Variants in GALNT2 observed in about 807,000 individuals in gnomAD.
The protein encoded by GALNT2 is polypeptide N-acetylgalactosaminyltransferase 2, also known as UDP-GalNAc:polypeptide N-acetylgalactosaminyltransferase 2.
Under a neutral mutation model 81.4 loss-of-function variants are expected in GALNT2, and 31 were observed. That is an observed-to-expected ratio of 0.38 (90% CI 0.29 to 0.51). The LOEUF (loss-of-function observed/expected upper bound fraction) is 0.51, where lower values mean the gene tolerates loss of function less well. Among genes scored for constraint, GALNT2 ranks in the 20% least tolerant of loss-of-function variants. GALNT2 has a pLI of 0.87. For missense variants in GALNT2, 629 were observed against 765.7 expected (o/e 0.82, Z 2.11); for synonymous variants, 303 against 287.4 (o/e 1.05, Z -0.55).
chr1:230,193,919 C>T lies in GALNT2; in HGVS notation c.221-9218C>T, dbSNP rs1393420176. Among the ~76,000 whole-genome samples, 1 of 152,118 alleles carries T rather than the reference C, an allele frequency of 6.6e-6. No individual in the cohort carries two copies. The highest frequency in any genetic ancestry group is 1.5e-5 in the Non-Finnish European group (1 of 68,010). ...GAGCAGCCTTCCCGGGGCCTCAGTG[C>T]CTATGCTCAGCCTCCACTCCCAGGC... On this transcript the variant is annotated intron_variant, in intron 2 of 15. Transcript: ENST00000366672. The surrounding 1 kb of genome is among the most constrained non-coding windows in gnomAD (Gnocchi z 4.3).
intron 1 of GALNT2, among the ~76,000 whole-genome samples, chr1:230,119,886 C>T (rs1466390383): frequency 1.3e-5 from 2 of 152,172 alleles, no homozygotes; most frequent in Non-Finnish European, 2.9e-5. Flanking sequence ...GGCCCTACAT[C>T]CCATTGGCGT....
At chr1:230,080,514 AT>A (rs1659694781) in intron 1 of GALNT2, among the ~76,000 whole-genome samples, 1 of 152,024 alleles carries the variant, frequency 6.6e-6, no homozygotes, top group African/African-American at 2.4e-5. Flanking sequence ...GACTCTGTAA[AT>A]CCATACTGGG....
chr1:230,136,011 C>T (rs1321760282), intron 1 of GALNT2, among the ~76,000 whole-genome samples: 3 of 152,036 alleles, frequency 2.0e-5, no homozygotes, highest in Non-Finnish European at 4.4e-5. Context: ...TCTTTCTGAT[C>T]CTTAGTTTTC....
In GALNT2 at chr1:230,246,663, C is replaced by A. The variant is rs149867832; in HGVS notation, c.817+513C>A. Among the ~76,000 whole-genome samples, 19 of 152,270 alleles carry A rather than the reference C, an allele frequency of 1.2e-4. No individual in the cohort carries two copies. In the East Asian group the frequency reaches 2.7e-3, roughly 22 times the overall value. On this transcript the variant is annotated intron_variant, in intron 8 of 15. Transcript: ENST00000366672. ...GTGTGACCCTGTTCTGCTGATACAG[C>A]CCCTTGCATGTATCATGGTTTCTTG...
chr1:230,200,620 A>G (rs973068016), intron 2 of GALNT2, among the ~76,000 whole-genome samples: 4 of 152,200 alleles, frequency 2.6e-5, no homozygotes, highest in African/African-American at 9.6e-5. Flanking sequence ...AAAGAGATGT[A>G]TGGGTGGAAA....
upstream of GALNT2, chr1:230,057,890 G>C (rs1455638615): frequency 8.2e-6 from 3 of 364,552 alleles, no homozygotes; most frequent in Non-Finnish European, 1.7e-5. Context: ...GTAGGAAATG[G>C]GAAGGGGCAT....
chr1:230,072,357 TG>T (rs950070869), intron 1 of GALNT2, among the ~76,000 whole-genome samples: 14 of 8,792 alleles, frequency 1.6e-3, no homozygotes, highest in African/African-American at 8.1e-3. Flanking sequence ...GCAGGTGTGG[TG>T]GGGCGGGGGT....
Position 230,236,107 on chromosome 1 carries a change from G to T in GALNT2, c.468G>T (p.Val156=), listed in dbSNP as rs1572119296. The stretch of plus-strand genomic sequence containing the variant: ...CCAGGTCGGCCCTACTCAGGACCGT[G>T]GTCAGGTGAGGCCAGGAGATGCATT... The part of the protein sequence containing the change: ...NEARSALLRT[V]VSVLKKSPPH... The change falls in exon 4 of 16, where the codon GTG becomes GTT. Residue 156 remains valine, a synonymous_variant. Transcript: ENST00000366672. 1.9e-6 allele frequency: 3 copies of T among 1,613,836 alleles called. No individual in the cohort carries two copies. In the East Asian group the frequency reaches 6.7e-5, roughly 36 times the overall value.
intron 1 of GALNT2, among the ~76,000 whole-genome samples, chr1:230,087,348 C>G (rs557653668): frequency 6.6e-6 from 1 of 152,188 alleles, no homozygotes. Flanking sequence ...TGATTGCACT[C>G]GAATTACTGC....
intron 1 of GALNT2, among the ~76,000 whole-genome samples, chr1:230,107,218 C>T (rs983245511): frequency 1.3e-5 from 2 of 152,208 alleles, no homozygotes; most frequent in African/African-American, 4.8e-5. Context: ...ATGGTGACTT[C>T]CTCCTTGCAG....
intron 1 of GALNT2, among the ~76,000 whole-genome samples, chr1:230,118,674 C>T (rs1048871283): frequency 1.3e-5 from 2 of 151,986 alleles, no homozygotes; most frequent in African/African-American, 4.8e-5. Flanking sequence ...CTTTGCCCTA[C>T]GGGGACTGGC....
chr1:230,128,122 C>T, intron 1 of GALNT2, among the ~76,000 whole-genome samples: 1 of 152,208 alleles, frequency 6.6e-6, no homozygotes, highest in Non-Finnish European at 1.5e-5. Context: ...ACCCATGAGG[C>T]CAGGGATGGT....
intron 1 of GALNT2, among the ~76,000 whole-genome samples, chr1:230,096,660 G>A (rs1386224661): frequency 6.6e-6 from 1 of 152,152 alleles, no homozygotes; most frequent in East Asian, 1.9e-4. Context: ...TTGGCAGCCT[G>A]GGGGCAGCAG....
At chr1:230,160,106 A>G (rs1427403753) in intron 1 of GALNT2, among the ~76,000 whole-genome samples, 1 of 152,156 alleles carries the variant, frequency 6.6e-6, no homozygotes, top group Non-Finnish European at 1.5e-5. Context: ...CCATCATCTC[A>G]TAGTCCTTCC....
chr1:230,279,370 G>T lies in GALNT2; in HGVS notation c.1628G>T (p.Arg543Leu). 1 of 1,614,150 alleles carries T rather than the reference G, an allele frequency of 6.2e-7. No individual in the cohort carries two copies. Among genetic ancestry groups the T allele is most frequent in the Non-Finnish European group, 8.5e-7 (1 of 1,180,028 alleles). ...HVGSNLCLDS[R>L]TAKSGGLSVE... ...GGCAGCAACCTGTGCCTGGACAGTC[G>T]CACGGCCAAGAGCGGGGGCCTAAGC... The change falls in exon 16 of 16, where the codon CGC (arginine) becomes CTC (leucine). Residue 543 changes from arginine to leucine, a missense_variant. Around this residue, in one of 3 missense-constraint regions of GALNT2, gnomAD observed 207 missense variants for 225.5 expected, o/e 0.92. Coordinates refer to ENST00000366672, the MANE Select transcript of GALNT2 (RefSeq NM_004481.5). The surrounding 1 kb of genome is among the most constrained non-coding windows in gnomAD (Gnocchi z 4.6).
intron 1 of GALNT2, among the ~76,000 whole-genome samples, chr1:230,069,231 G>T (rs1227236613): frequency 1.3e-5 from 2 of 151,604 alleles, no homozygotes; most frequent in African/African-American, 4.9e-5. Context: ...GAAGTCTTCA[G>T]ACACTCCTGA....
At chr1:230,278,678 C>T (rs981272927) in intron 15 of GALNT2, among the ~76,000 whole-genome samples, 11 of 152,350 alleles carry the variant, frequency 7.2e-5, no homozygotes, top group African/African-American at 2.6e-4. Context: ...ACAAGTTTCT[C>T]ATATCCACCA....
At chr1:230,183,932 C>T (rs1241315870) in intron 2 of GALNT2, among the ~76,000 whole-genome samples, 2 of 149,914 alleles carry the variant, frequency 1.3e-5, no homozygotes, top group African/African-American at 4.9e-5. Flanking sequence ...GAGCCGAGAT[C>T]GTACCACTAT....
At chr1:230,270,412 A>G (rs1017865296) in intron 14 of GALNT2, among the ~76,000 whole-genome samples, 3 of 152,214 alleles carry the variant, frequency 2.0e-5, no homozygotes, top group Non-Finnish European at 4.4e-5. Context: ...ATGTGCTATG[A>G]TGGGGATGCT....
Sources: allele counts gnomAD v4.1 joint callset (sites outside exome capture counted in the v4.1 genomes callset), GRCh38; gene constraint gnomAD v4.1.1; regional missense constraint gnomAD v4.1.1; non-coding constraint Gnocchi (gnomAD v3.1); transcripts MANE v1.5; gene names NCBI Gene and HGNC (gene_info 2026-07-23, HGNC 2026-07-21).